Variants in EIF2A observed in about 807,000 individuals in gnomAD.
EIF2A encodes the protein 65 kDa eukaryotic translation initiation factor 2A.
EIF2A carries 62 observed loss-of-function variants against 75.2 expected under a neutral mutation model. The ratio of observed to expected loss-of-function variants is 0.82; its 90% CI spans 0.67 to 1.02. The LOEUF (loss-of-function observed/expected upper bound fraction) is 1.02. Among genes scored for constraint, EIF2A ranks in the 50% least tolerant of loss-of-function variants. EIF2A has a pLI of 0.00. For synonymous variants in EIF2A, 207 were observed against 239.0 expected (o/e 0.87, Z 1.23); for missense variants, 611 against 677.7 (o/e 0.90, Z 1.09).
In EIF2A at chr3:150,562,555, A is replaced by G. The variant is rs1243157062; in HGVS notation, c.187A>G (p.Ser63Gly). Reference protein sequence around the residue: ...WGNGEKVNIISVTNKGLLHSF... With the variant: ...WGNGEKVNIIGVTNKGLLHSF... The stretch of plus-strand genomic sequence containing the variant: ...TTTTGAAACCAGAGTAAATATTATC[A>G]GTGTCACTAACAAGGGACTACTGCA... Residue 63 changes from serine to glycine, a missense_variant, in exon 4 of 14, where the codon AGT becomes GGT. Physicochemically the swap from Ser to Gly is moderately conservative, Grantham distance 56 (BLOSUM62 0). Transcript: ENST00000460851. 1 of 1,612,094 alleles carries G rather than the reference A, an allele frequency of 6.2e-7. No individual in the cohort carries two copies. The highest frequency in any genetic ancestry group is 1.3e-5 in the African/African-American group (1 of 74,896).
chr3:150,562,652 CTTACACTAG>C lies in EIF2A; in HGVS notation c.286_292+2del. On this transcript the variant is annotated splice_donor_variant and coding_sequence_variant, in exon 4 of 14. Transcript: ENST00000460851. LOFTEE classifies it high-confidence loss of function. The stretch of plus-strand genomic sequence containing the variant: ...AATACTGTCCTGGCAACGTGGCAGC[CTTACACTAG>C]TAAGTATTTTCTCAGTGTAAAAATA... 1 of 1,611,866 alleles carries C rather than the reference CTTACACTAG, an allele frequency of 6.2e-7. No homozygotes were observed. The highest frequency in any genetic ancestry group is 8.5e-7 in the Non-Finnish European group (1 of 1,178,614).
At chr3:150,579,536 C>T (rs1171090544) in intron 11 of EIF2A, among the ~76,000 whole-genome samples, 1 of 151,822 alleles carries the variant, frequency 6.6e-6, no homozygotes, top group African/African-American at 2.4e-5. Flanking sequence ...ATGGTGAAAC[C>T]CCATCTCTAC....
At chr3:150,579,630 G>A (rs1406835594) in intron 11 of EIF2A, among the ~76,000 whole-genome samples, 3 of 151,086 alleles carry the variant, frequency 2.0e-5, no homozygotes, top group East Asian at 1.9e-4. Context: ...CAGGAAAATC[G>A]CTTGAACCCG....
At chr3:150,583,096 T>C in intron 12 of EIF2A, 104 bp from the exon 13 acceptor site, 1 of 955,106 alleles carries the variant, frequency 1.0e-6, no homozygotes. Flanking sequence ...GATACAAATC[T>C]AAGATAATTA....
rs539910619 is a variant in EIF2A, at chr3:150,572,781, G to A, written c.1383+252G>A. Among the ~76,000 whole-genome samples the A allele has an allele frequency of 3.2e-3, 489 of 151,682 alleles. 1 individual carries two copies. The highest frequency in any genetic ancestry group is 0.011 in the African/African-American group (465 of 41,356). On this transcript the variant is annotated intron_variant, in intron 10 of 13. Coordinates refer to ENST00000460851, the MANE Select transcript of EIF2A (RefSeq NM_032025.5). Reference sequence around the variant, plus strand: ...TGAGGCAGGAGACTCACTTGAACCCGGGAGGTGGAGGTTGCAGTGAGCCGA... The same window carrying A: ...TGAGGCAGGAGACTCACTTGAACCCAGGAGGTGGAGGTTGCAGTGAGCCGA...
chr3:150,563,024 T>G, intron 4 of EIF2A: 1 of 186,900 alleles, frequency 5.4e-6, no homozygotes, highest in Non-Finnish European at 1.1e-5. Context: ...GGAAGTACAG[T>G]AGACAAAACA....
rs371686129 is a variant in EIF2A, at chr3:150,563,558, T to G, written c.336T>G (p.Tyr112Ter). The G allele has an allele frequency of 1.3e-6, 2 of 1,544,540 alleles. No individual in the cohort carries two copies. Among genetic ancestry groups the G allele is most frequent in the African/African-American group, 2.8e-5 (2 of 72,696 alleles). ...CTGGGATACCCAACCTACAACTTTA[T>G]GATGTGAAAACTGGGACATGTTTGA... ...GTAGIPNLQL[Y>*]DVKTGTCLKS... The change falls in exon 5 of 14, where the codon TAT (tyrosine) becomes TAG (stop). Residue 112 changes from tyrosine to a stop codon, truncating the protein, a stop_gained. Transcript: ENST00000460851. LOFTEE classifies it high-confidence loss of function.
chr3:150,567,809 C>A, intron 7 of EIF2A, 43 bp downstream of exon 7: 1 of 1,567,202 alleles, frequency 6.4e-7, no homozygotes. Context: ...TGTGTTTAAA[C>A]CTTTTCCTAG....
intron 3 of EIF2A, among the ~76,000 whole-genome samples, 197 bp from the exon 4 acceptor site, chr3:150,562,345 C>A (rs529431484): frequency 1.3e-5 from 2 of 151,324 alleles, no homozygotes; most frequent in East Asian, 3.9e-4. Flanking sequence ...TGGCATGAAC[C>A]GGGGAGGTGG....
intron 11 of EIF2A, among the ~76,000 whole-genome samples, chr3:150,580,976 T>C (rs1725149767): frequency 6.6e-6 from 1 of 152,314 alleles, no homozygotes; most frequent in South Asian, 2.1e-4. Flanking sequence ...TGGGCTGCAG[T>C]TGACGCTTGG....
intron 6 of EIF2A, chr3:150,565,184 T>A (rs1273672490): frequency 2.2e-6 from 1 of 456,528 alleles, no homozygotes; most frequent in Non-Finnish European, 4.4e-6. Context: ...CCCCTATAAA[T>A]TGCAAGTTGG....
intron 5 of EIF2A, among the ~76,000 whole-genome samples, chr3:150,564,051 T>G (rs1206734524): frequency 3.3e-5 from 5 of 152,168 alleles, no homozygotes; most frequent in Non-Finnish European, 7.4e-5. Flanking sequence ...ACTCCTGACC[T>G]CAGGTGATCC....
Position 150,567,963 on chromosome 3 carries a change from C to T in EIF2A, c.611C>T (p.Pro204Leu). 2 of 1,613,536 alleles carry T rather than the reference C, an allele frequency of 1.2e-6. No homozygotes were observed. Among genetic ancestry groups the T allele is most frequent in the Non-Finnish European group, 1.7e-6 (2 of 1,179,734 alleles). ...APSFVRLYQY[P>L]NFAGPHAALA... ...TCATTTGTTAGATTATATCAGTACC[C>T]CAACTTTGCTGGACCTCATGCAGCT... Residue 204 changes from proline (P) to leucine (L), a missense_variant, in exon 8 of 14, where the codon CCC becomes CTC. Coordinates refer to ENST00000460851, the MANE Select transcript of EIF2A (RefSeq NM_032025.5).
intron 6 of EIF2A, among the ~76,000 whole-genome samples, chr3:150,565,557 A>G (rs947850632): frequency 6.6e-6 from 1 of 152,064 alleles, no homozygotes; most frequent in Non-Finnish European, 1.5e-5. Context: ...CATTGTAACC[A>G]ATTAGCTTTT....
intron 10 of EIF2A, among the ~76,000 whole-genome samples, chr3:150,573,996 G>A (rs1724700285): frequency 6.6e-6 from 1 of 152,050 alleles, no homozygotes; most frequent in African/African-American, 2.4e-5. Context: ...GATCGCCTGA[G>A]CTCAGGAGTT....
chr3:150,580,731 T>C (rs2107975694), intron 11 of EIF2A, among the ~76,000 whole-genome samples: 1 of 152,332 alleles, frequency 6.6e-6, no homozygotes, highest in East Asian at 1.9e-4. Context: ...TACTCTGCAC[T>C]TTGGGACCAT....
intron 1 of EIF2A, among the ~76,000 whole-genome samples, chr3:150,551,214 A>G (rs2107900299): frequency 6.6e-6 from 1 of 152,330 alleles, no homozygotes; most frequent in East Asian, 1.9e-4. Context: ...TTGAAGGACT[A>G]AACACAGGTA....
intron 9 of EIF2A, among the ~76,000 whole-genome samples, chr3:150,569,432 T>A (rs1576599221): frequency 6.6e-6 from 1 of 150,552 alleles, no homozygotes; most frequent in East Asian, 2.0e-4. Context: ...TTTTTTTTTT[T>A]AACTAAATAA....
Position 150,583,242 on chromosome 3 carries a change from G to T in EIF2A, c.1669G>T (p.Gly557Ter). Residue 557 changes from glycine to a stop codon, truncating the protein, a stop_gained, in exon 13 of 14, where the codon GGA becomes TGA. Coordinates refer to ENST00000460851, the MANE Select transcript of EIF2A (RefSeq NM_032025.5). LOFTEE classifies it high-confidence loss of function. ...ACAACTGAAAGAACAAGCAGCAACT[G>T]GAAAACAGCTAGAAAAAAATCAGGT... ...IEQLKEQAATGKQLEKNQLEK... is the reference protein window; with the variant it reads ...IEQLKEQAAT 1 of 1,612,612 alleles carries T rather than the reference G, an allele frequency of 6.2e-7. No homozygotes were observed. Among genetic ancestry groups the T allele is most frequent in the Non-Finnish European group, 8.5e-7 (1 of 1,179,412 alleles).
Sources: allele counts gnomAD v4.1 joint callset (sites outside exome capture counted in the v4.1 genomes callset), GRCh38; gene constraint gnomAD v4.1.1; transcripts MANE v1.5; gene names NCBI Gene and HGNC (gene_info 2026-07-23, HGNC 2026-07-21).